CC2D2A: variants seen among roughly 807,000 people sequenced by gnomAD.
CC2D2A encodes the protein coiled-coil and C2 domain-containing protein 2A.
Under a neutral mutation model 212.9 loss-of-function variants are expected in CC2D2A, and 155 were observed. The observed-to-expected ratio is 0.73, with a 90% CI of 0.64 to 0.83. The LOEUF is 0.83. Among genes scored for constraint, CC2D2A ranks in the 40% least tolerant of loss-of-function variants. The pLI, the probability that CC2D2A is intolerant of heterozygous loss-of-function variation, is 0.00. For synonymous variants in CC2D2A, 667 were observed against 686.5 expected, an observed-to-expected ratio of 0.97 and a Z score of 0.44; for missense variants, 1,856 against 1,956.2, an observed-to-expected ratio of 0.95 and a Z score of 0.97.
chr4:15,552,838 T>C (rs1406973904), intron 18 of CC2D2A, among the ~76,000 whole-genome samples: 2 of 152,242 alleles, frequency 1.3e-5, no homozygotes, highest in Admixed American at 1.3e-4. Context: ...GAAGGTGCTA[T>C]TTAGTATCCC....
At chr4:15,480,651 C>G (rs983726053) in intron 3 of CC2D2A, 53 bp from the exon 4 acceptor site, 3 of 1,566,818 alleles carry the variant, frequency 1.9e-6, no homozygotes, top group Admixed American at 1.9e-5. Context: ...AAGAGAGGAA[C>G]AGACTCAAAT....
rs200044412 is a variant in CC2D2A, at chr4:15,511,269, C to T, written c.563C>T (p.Ala188Val). The change falls in exon 8 of 37, where the codon GCA (alanine) becomes GTA (valine). Residue 188 changes from alanine to valine, a missense_variant. By Grantham distance (64) the Ala-to-Val change is moderately conservative (BLOSUM62 0). Around this residue, in one of 5 missense-constraint regions of CC2D2A, gnomAD observed 1,512 missense variants for 1,579.3 expected, o/e 0.96. Coordinates refer to ENST00000424120, the MANE Select transcript of CC2D2A (RefSeq NM_001378615.1). The stretch of plus-strand genomic sequence containing the variant: ...TAGGTTCCACCTGGCTTCCCTTCTG[C>T]AGAAGAGGCCTATAACTTCTTTACT... ...KPQVPPGFPS[A>V]EEAYNFFTFN... 9.9e-5 allele frequency: 158 copies of T among 1,598,140 alleles called. 2 individuals are homozygous for T. The East Asian group carries it at 3.5e-3, about 35-fold the overall frequency.
chr4:15,483,709 T>C (rs192549831), intron 4 of CC2D2A, among the ~76,000 whole-genome samples: 31 of 152,354 alleles, frequency 2.0e-4, no homozygotes, highest in Non-Finnish European at 2.5e-4. Context: ...ATCTATGCAA[T>C]TGGGCTCCTT....
At chr4:15,477,452 T>TA (rs1714300468) in intron 2 of CC2D2A, among the ~76,000 whole-genome samples, 1 of 152,228 alleles carries the variant, frequency 6.6e-6, no homozygotes, top group South Asian at 2.1e-4. Context: ...TCATGGAACT[T>TA]ACGTTCTATC....
chr4:15,503,228 A>T (rs1716067222), intron 6 of CC2D2A, among the ~76,000 whole-genome samples: 1 of 152,124 alleles, frequency 6.6e-6, no homozygotes, highest in South Asian at 2.1e-4. Context: ...ACTTAGGCCC[A>T]GGAGTTCAAA....
chr4:15,585,780 T>A (rs781263600), intron 30 of CC2D2A, among the ~76,000 whole-genome samples: 1 of 152,192 alleles, frequency 6.6e-6, no homozygotes, highest in Non-Finnish European at 1.5e-5. Flanking sequence ...CATGTCTTGG[T>A]TCCCAAGTAC....
intron 7 of CC2D2A, among the ~76,000 whole-genome samples, chr4:15,510,886 A>G (rs531664729): frequency 6.6e-6 from 1 of 152,254 alleles, no homozygotes; most frequent in South Asian, 2.1e-4. Context: ...TATATTTCTC[A>G]TAATACAACA....
intron 28 of CC2D2A, among the ~76,000 whole-genome samples, chr4:15,571,146 A>T (rs1720146035): frequency 6.6e-6 from 1 of 152,232 alleles, no homozygotes; most frequent in African/African-American, 2.4e-5. Flanking sequence ...ACTTGTCAAA[A>T]CAACAAAGGT....
intron 6 of CC2D2A, among the ~76,000 whole-genome samples, chr4:15,505,004 C>T (rs753910270): frequency 3.3e-5 from 5 of 152,158 alleles, no homozygotes; most frequent in Admixed American, 6.5e-5. Flanking sequence ...CTCCAGACCC[C>T]GCTTCCCGCC....
chr4:15,572,909 A>C (rs1190098039), intron 28 of CC2D2A, among the ~76,000 whole-genome samples: 1 of 152,096 alleles, frequency 6.6e-6, no homozygotes, highest in Non-Finnish European at 1.5e-5. Flanking sequence ...AAACTGAAGA[A>C]CTTGGAGTCT....
intron 35 of CC2D2A, 87 bp downstream of exon 35, chr4:15,597,552 GA>G: frequency 9.6e-7 from 1 of 1,044,516 alleles, no homozygotes; most frequent in African/African-American, 1.6e-5. Context: ...GGATGAATGT[GA>G]AACAATTTAG....
intron 3 of CC2D2A, chr4:15,479,245 C>A: frequency 6.5e-7 from 1 of 1,537,190 alleles, no homozygotes; most frequent in Non-Finnish European, 8.7e-7. Flanking sequence ...TTCTCCCGAG[C>A]CTGCTGGCAG....
intron 26 of CC2D2A, 70 bp from the exon 27 acceptor site, chr4:15,569,223 C>A: frequency 2.4e-6 from 2 of 822,360 alleles, no homozygotes; most frequent in Non-Finnish European, 4.0e-6. Flanking sequence ...TTTTCAAATG[C>A]TGACATTTGA....
At chr4:15,589,371 G>A (rs1344069680) in intron 32 of CC2D2A, among the ~76,000 whole-genome samples, 174 bp from the exon 33 acceptor site, 1 of 152,010 alleles carries the variant, frequency 6.6e-6, no homozygotes, top group Non-Finnish European at 1.5e-5. Context: ...CTAAGCATTC[G>A]ACTTTACTTT....
At chr4:15,525,068 C>T (rs1192676476) in intron 11 of CC2D2A, among the ~76,000 whole-genome samples, 1 of 152,172 alleles carries the variant, frequency 6.6e-6, no homozygotes, top group Non-Finnish European at 1.5e-5. Flanking sequence ...ACTAAGTGTC[C>T]TGAAACACTT....
intron 4 of CC2D2A, chr4:15,481,888 T>C: frequency 2.0e-6 from 2 of 985,330 alleles, no homozygotes; most frequent in South Asian, 4.7e-5. Context: ...TTGGAAGAAA[T>C]GAGGGAGGTT....
chr4:15,492,325 T>A (rs1715349286), intron 4 of CC2D2A, among the ~76,000 whole-genome samples: 1 of 152,020 alleles, frequency 6.6e-6, no homozygotes, highest in Non-Finnish European at 1.5e-5. Flanking sequence ...CACTTTCACC[T>A]CTCATCTAGA....
chr4:15,580,616 T>A (rs1720620019), intron 30 of CC2D2A, among the ~76,000 whole-genome samples: 1 of 120,422 alleles, frequency 8.3e-6, no homozygotes, highest in African/African-American at 3.3e-5. Context: ...CTAGCCTGGG[T>A]GACAGAGCAA....
intron 33 of CC2D2A, among the ~76,000 whole-genome samples, chr4:15,590,223 T>C (rs998115691): frequency 5.3e-5 from 8 of 152,158 alleles, no homozygotes; most frequent in Non-Finnish European, 8.8e-5. Flanking sequence ...GTTAAAAATA[T>C]AAGTTATAGA....
Sources: gnomAD v4.1 joint callset for allele counts (sites outside exome capture counted in the v4.1 genomes callset) on GRCh38, gnomAD v4.1.1 for gene constraint, gnomAD v4.1.1 regional missense constraint, MANE v1.5 for transcripts, NCBI Gene and HGNC (gene_info 2026-07-23, HGNC 2026-07-21) for gene names.